The following NCALD variants were observed in gnomAD, a reference collection of about 807,000 sequenced individuals.
The protein encoded by NCALD is neurocalcin-delta.
NCALD carries 10 observed loss-of-function variants against 18.6 expected under a neutral mutation model. The observed-to-expected ratio is 0.54, with a 90% CI of 0.33 to 0.91. NCALD has a LOEUF of 0.91. Among genes scored for constraint, NCALD ranks in the 40% least tolerant of loss-of-function variants. The probability of loss-of-function intolerance (pLI) is 0.03; values close to 1 mark genes in which losing one functional copy is unlikely to be tolerated. For missense variants in NCALD, 184 were observed against 247.6 expected, an observed-to-expected ratio of 0.74 and a Z score of 1.72; for synonymous variants, 88 against 87.4, an observed-to-expected ratio of 1.01 and a Z score of -0.04.
chr8:101,728,857 CA>C (rs1214726611), intron 1 of NCALD, among the ~76,000 whole-genome samples: 1 of 152,072 alleles, frequency 6.6e-6, no homozygotes, highest in Non-Finnish European at 1.5e-5. Context: ...AAAAAGCACG[CA>C]AAAAAAGTTT....
intron 4 of NCALD, among the ~76,000 whole-genome samples, chr8:101,867,953 C>T (rs762168667): frequency 2.6e-5 from 4 of 152,160 alleles, no homozygotes; most frequent in Non-Finnish European, 5.9e-5. Flanking sequence ...ATCTGGTCCC[C>T]GCCCCCCGCC....
At chr8:101,751,755 T>C (rs1001335148) in intron 1 of NCALD, among the ~76,000 whole-genome samples, 1 of 152,154 alleles carries the variant, frequency 6.6e-6, no homozygotes, top group Admixed American at 6.5e-5. Context: ...TGAAAAATAA[T>C]GGACTCCACA....
intron 1 of NCALD, among the ~76,000 whole-genome samples, chr8:102,035,749 T>C (rs1181137370): frequency 6.6e-6 from 1 of 152,132 alleles, no homozygotes; most frequent in Non-Finnish European, 1.5e-5. Flanking sequence ...ATTGCAAAGA[T>C]AAAAATTTTC....
At chr8:101,917,563 A>G (rs1310635495) in intron 2 of NCALD, among the ~76,000 whole-genome samples, 1 of 151,800 alleles carries the variant, frequency 6.6e-6, no homozygotes, top group Non-Finnish European at 1.5e-5. Flanking sequence ...TTGAAAGGAT[A>G]AACAAGATTG....
At chr8:101,817,873 G>A (rs1189947315) in intron 4 of NCALD, among the ~76,000 whole-genome samples, 1 of 152,182 alleles carries the variant, frequency 6.6e-6, no homozygotes, top group African/African-American at 2.4e-5. Context: ...ATCCTCACAG[G>A]TGTGGAATAA....
At chr8:101,705,270 AAAAT>A (rs1159146746) in intron 2 of NCALD, among the ~76,000 whole-genome samples, 6 of 152,102 alleles carry the variant, frequency 3.9e-5, no homozygotes, top group Admixed American at 3.9e-4. Context: ...TTTAAAAATA[AAAAT>A]AAATAAAGTG....
At chr8:101,941,845 G>A (rs115259701) in intron 2 of NCALD, among the ~76,000 whole-genome samples, 123 of 152,266 alleles carry the variant, frequency 8.1e-4, no homozygotes, top group African/African-American at 2.9e-3. Flanking sequence ...CAAGCCAAAT[G>A]GCTTCAAATT....
At chr8:101,903,196 A>C (rs1049713844) in intron 3 of NCALD, among the ~76,000 whole-genome samples, 1 of 136,722 alleles carries the variant, frequency 7.3e-6, no homozygotes, top group African/African-American at 3.2e-5. Flanking sequence ...TACTTTTAGG[A>C]ATTTTTTTTT....
intron 2 of NCALD, among the ~76,000 whole-genome samples, chr8:101,943,966 A>G (rs1018610149): frequency 1.2e-3 from 129 of 103,412 alleles, no homozygotes; most frequent in African/African-American, 4.0e-3. Flanking sequence ...AAAACAAAAA[A>G]CAAACAAACA....
intron 4 of NCALD, among the ~76,000 whole-genome samples, chr8:101,814,246 T>C (rs1813411824): frequency 1.3e-5 from 2 of 152,060 alleles, no homozygotes; most frequent in Admixed American, 1.3e-4. Flanking sequence ...TGCAAAATCT[T>C]CAATAAAAAA....
At chr8:101,936,302 C>T (rs1818761336) in intron 2 of NCALD, among the ~76,000 whole-genome samples, 2 of 152,164 alleles carry the variant, frequency 1.3e-5, no homozygotes, top group African/African-American at 2.4e-5. Context: ...CATTCAGTCT[C>T]TCTTAGATTT....
intron 2 of NCALD, among the ~76,000 whole-genome samples, chr8:101,989,664 G>C (rs1031949674): frequency 1.4e-4 from 21 of 152,188 alleles, no homozygotes; most frequent in Non-Finnish European, 1.6e-4. Flanking sequence ...CTATAGCCCT[G>C]TTTGCTGATG....
At chr8:102,021,198 C>A (rs1326244628) in intron 1 of NCALD, among the ~76,000 whole-genome samples, 2 of 152,190 alleles carry the variant, frequency 1.3e-5, no homozygotes, top group Non-Finnish European at 2.9e-5. Flanking sequence ...TAGACCAGGA[C>A]TGGTCTCACA....
chr8:101,880,368 C>T (rs1044424947), intron 4 of NCALD, among the ~76,000 whole-genome samples: 4 of 152,330 alleles, frequency 2.6e-5, no homozygotes, highest in Middle Eastern at 3.4e-3. Flanking sequence ...GCAGCAGCCC[C>T]GGTTCCCACT....
intron 2 of NCALD, among the ~76,000 whole-genome samples, chr8:101,980,668 G>T (rs775182930): frequency 2.6e-5 from 4 of 152,176 alleles, no homozygotes; most frequent in Non-Finnish European, 4.4e-5. Flanking sequence ...TACAAGGAAA[G>T]AATTCAAATA....
chr8:101,978,716 A>G (rs1435341504), intron 2 of NCALD, among the ~76,000 whole-genome samples: 1 of 152,162 alleles, frequency 6.6e-6, no homozygotes, highest in Admixed American at 6.5e-5. Context: ...GGGCAGGCAG[A>G]CTGCTTGTCT....
intron 1 of NCALD, among the ~76,000 whole-genome samples, chr8:102,090,214 C>T (rs1052446057): frequency 5.9e-5 from 9 of 152,156 alleles, no homozygotes; most frequent in Non-Finnish European, 1.3e-4. Flanking sequence ...TCCTATAATT[C>T]TGATATGACT....
intron 4 of NCALD, among the ~76,000 whole-genome samples, chr8:101,801,929 G>A (rs993203561): frequency 6.6e-6 from 1 of 151,990 alleles, no homozygotes; most frequent in Non-Finnish European, 1.5e-5. Flanking sequence ...GCCTCCCAAA[G>A]TGCTGGGATT....
At chr8:101,916,708 T>C (rs1484625202) in intron 2 of NCALD, among the ~76,000 whole-genome samples, 3 of 152,092 alleles carry the variant, frequency 2.0e-5, no homozygotes, top group Non-Finnish European at 4.4e-5. Flanking sequence ...TTGCTGTTCT[T>C]TTATCTGATA....
Sources: allele counts gnomAD v4.1 joint callset (sites outside exome capture counted in the v4.1 genomes callset), GRCh38; gene constraint gnomAD v4.1.1; transcripts MANE v1.5; gene names NCBI Gene and HGNC (gene_info 2026-07-23, HGNC 2026-07-21).